Variants in TUT1 observed in about 807,000 individuals in gnomAD.
The protein encoded by TUT1 is terminal uridylyl transferase 1, U6 snRNA-specific.
A neutral mutation model predicts 48.8 loss-of-function variants in TUT1; 26 were observed. The ratio of observed to expected loss-of-function variants is 0.53; its 90% CI spans 0.39 to 0.74. The LOEUF (loss-of-function observed/expected upper bound fraction) is 0.74. Ranked by LOEUF, TUT1 falls within the 30% of genes least tolerant of loss-of-function variation. The probability of loss-of-function intolerance (pLI) is 0.00; values close to 1 mark genes in which losing one functional copy is unlikely to be tolerated. For synonymous variants in TUT1, 470 were observed against 460.8 expected (o/e 1.02, Z -0.26); for missense variants, 1,065 against 1,114.8 (o/e 0.96, Z 0.64).
chr11:62,589,079 G>A lies in TUT1; in HGVS notation c.225C>T (p.Tyr75=). ...TGGCCACAGGTCCAAATGCTAGGAAGTACTCAGAGAGCTGAGCAGAATCCA... is the reference window on the plus strand; with the variant it reads ...TGGCCACAGGTCCAAATGCTAGGAAATACTCAGAGAGCTGAGCAGAATCCA... ...RDVDSAQLSE[Y]FLAFGPVASV... Residue 75 remains tyrosine (Y), a synonymous_variant, in exon 2 of 9, where the codon TAC becomes TAT. Transcript: ENST00000476907. 1.9e-6 allele frequency: 3 copies of A among 1,614,140 alleles called. No homozygotes were observed. The highest frequency in any genetic ancestry group is 1.7e-6 in the Non-Finnish European group (2 of 1,179,996).
At chr11:62,588,092 T>G (rs1388818117) in intron 2 of TUT1, among the ~76,000 whole-genome samples, 1 of 152,216 alleles carries the variant, frequency 6.6e-6, no homozygotes, top group Non-Finnish European at 1.5e-5. Context: ...ATAGGCTCTG[T>G]GAGAGCAGGG....
rs144668445 is a variant in TUT1, at chr11:62,575,579, G to C, written c.2140C>G (p.Leu714Val). ...CCATGCTTTCCAGTGGTCAGGGGCA[G>C]GTCCCCTGGCTGCCCAGGGCTCTGC... Reference protein sequence around the residue: ...AMQSPGQPGDLPLTTGKHGAP... With the variant: ...AMQSPGQPGDVPLTTGKHGAP... The change falls in exon 9 of 9, where the codon CTG becomes GTG. Residue 714 changes from leucine to valine, a missense_variant. Physicochemically the swap from Leu to Val is conservative, Grantham distance 32 (BLOSUM62 1). Coordinates refer to ENST00000476907, the MANE Select transcript of TUT1 (RefSeq NM_022830.3). 2.5e-5 allele frequency: 40 copies of C among 1,614,138 alleles called. No homozygotes were observed. The African/African-American group carries it at 5.1e-4, about 20-fold the overall frequency.
At position 62,577,241 on chromosome 11, in the gene TUT1, C is replaced by T; in HGVS notation, c.1211G>A (p.Gly404Asp). 2 of 1,611,570 alleles carry T rather than the reference C, an allele frequency of 1.2e-6. No homozygotes were observed. Residue 404 changes from glycine to aspartate, a missense_variant, in exon 6 of 9, where the codon GGT becomes GAT. Physicochemically the swap from Gly to Asp is moderately conservative, Grantham distance 94 (BLOSUM62 -1). Transcript: ENST00000476907. ...GGTGTACACGAGGGGCCGGACTCGA[C>T]CATCCAGCTCAGAGCAGAGACTCAG... ...RFLSLCSELD[G>D]RVRPLVYTLR...
intron 2 of TUT1, among the ~76,000 whole-genome samples, chr11:62,585,849 C>CT (rs1370323456): frequency 6.6e-6 from 1 of 151,694 alleles, no homozygotes; most frequent in African/African-American, 2.4e-5. Flanking sequence ...TAATCCCAGC[C>CT]TGTAATCCCA....
intron 2 of TUT1, among the ~76,000 whole-genome samples, chr11:62,587,111 A>AT (rs10700510): frequency 3.3e-5 from 5 of 149,530 alleles, no homozygotes; most frequent in Admixed American, 6.6e-5. Context: ...AAAAAAAAAA[A>AT]GGAAAAAGAA....
At position 62,578,695 on chromosome 11, in the gene TUT1, C is replaced by T; in HGVS notation, c.1026G>A (p.Glu342=). The T allele has an allele frequency of 1.2e-6, 2 of 1,614,246 alleles. No individual in the cohort carries two copies. The highest frequency in any genetic ancestry group is 2.2e-5 in the South Asian group (2 of 91,090). Residue 342 remains glutamate, a synonymous_variant, in exon 5 of 9, where the codon GAG becomes GAA. Transcript: ENST00000476907. ...EEKAEGAAML[E]LVGSILRGCV... ...AGCCCCGGAGAATGGATCCCACCAG[C>T]TCCAGCATTGCTGCCCCCTCTGCTT...
intron 4 of TUT1, 140 bp from the exon 5 acceptor site, chr11:62,579,170 C>CTT (rs377622848): frequency 3.8e-5 from 16 of 424,882 alleles, no homozygotes; most frequent in East Asian, 1.9e-4. Flanking sequence ...CACAGGAACC[C>CTT]TTTTTTTTTT....
intron 4 of TUT1, 53 bp downstream of exon 4, chr11:62,581,053 C>T: frequency 7.0e-7 from 1 of 1,431,050 alleles, no homozygotes; most frequent in South Asian, 1.2e-5. Context: ...CCCACAGTCA[C>T]ATGGCCATTC....
At position 62,589,085 on chromosome 11, in the gene TUT1, A is replaced by C. The variant is rs148971223; in HGVS notation, c.219T>G (p.Ser73=). The change falls in exon 2 of 9, where the codon TCT becomes TCG. Residue 73 remains serine (S), a synonymous_variant. Coordinates refer to ENST00000476907, the MANE Select transcript of TUT1 (RefSeq NM_022830.3). ...FPRDVDSAQL[S]EYFLAFGPVA... ...CAGGTCCAAATGCTAGGAAGTACTC[A>C]GAGAGCTGAGCAGAATCCACATCCC... 7.7e-5 allele frequency: 125 copies of C among 1,614,216 alleles called. No individual in the cohort carries two copies. In the African/African-American group the frequency reaches 1.6e-3, roughly 20 times the overall value.
intron 1 of TUT1, 122 bp from the exon 2 acceptor site, chr11:62,589,343 A>G: frequency 1.2e-6 from 1 of 855,492 alleles, no homozygotes; most frequent in Non-Finnish European, 1.8e-6. Flanking sequence ...CTTTGAATAA[A>G]CAAAGTCCTG....
intron 4 of TUT1, among the ~76,000 whole-genome samples, chr11:62,580,434 T>C (rs1941806162): frequency 6.6e-6 from 1 of 151,752 alleles, no homozygotes; most frequent in South Asian, 2.1e-4. Context: ...TACTCCATTT[T>C]GGGTGACAGA....
chr11:62,582,931 A>G (rs1941855339), intron 2 of TUT1, among the ~76,000 whole-genome samples: 1 of 152,086 alleles, frequency 6.6e-6, no homozygotes, highest in Non-Finnish European at 1.5e-5. Flanking sequence ...GATAGAGACC[A>G]TCCTGGCTAA....
intron 2 of TUT1, among the ~76,000 whole-genome samples, chr11:62,584,316 T>G (rs1338872671): frequency 2.0e-5 from 3 of 152,040 alleles, no homozygotes; most frequent in Admixed American, 6.5e-5. Flanking sequence ...TTAATAGAGA[T>G]GTGGTTTCAC....
intron 2 of TUT1, among the ~76,000 whole-genome samples, chr11:62,588,717 C>T (rs904290412): frequency 3.3e-5 from 5 of 152,070 alleles, no homozygotes; most frequent in African/African-American, 7.2e-5. Context: ...TTTCTTAAGA[C>T]GGAGTCTTGC....
chr11:62,579,663 A>AT (rs35468652), intron 4 of TUT1, among the ~76,000 whole-genome samples: 6,915 of 128,230 alleles, frequency 0.054, 224 homozygotes, highest in Non-Finnish European at 0.063. Flanking sequence ...AATAAAGTCC[A>AT]TTTTTTTTTT....
chr11:62,581,155 C>T lies in TUT1; in HGVS notation c.641G>A (p.Gly214Asp). Residue 214 changes from glycine (G) to aspartate (D), a missense_variant, in exon 4 of 9, where the codon GGC (glycine) becomes GAC (aspartate). Gly to Asp is a moderately conservative substitution (Grantham distance 94). Transcript: ENST00000476907. ...ATCCAAGAAGAGGTCAAGATCACAG[C>T]CATGGACATCGAAGCTATTTATGGA... ...GSSINSFDVH[G>D]CDLDLFLDLG... The T allele has an allele frequency of 6.2e-7, 1 of 1,614,124 alleles. No individual in the cohort carries two copies.
intron 2 of TUT1, among the ~76,000 whole-genome samples, chr11:62,585,352 T>C (rs1941894542): frequency 6.6e-6 from 1 of 152,174 alleles, no homozygotes; most frequent in African/African-American, 2.4e-5. Context: ...GGTAGCTACT[T>C]GGACCTGCCC....
rs764318992 is a variant in TUT1 at position 62,591,503 on chromosome 11, G to A, written c.-18C>T. ...GCCGCCATAGCGACTCTCCTGTACC[G>A]ACAAAAACACAAGCACCTCTGCCAC... On this transcript the variant is annotated 5_prime_UTR_variant, in exon 1 of 9. Transcript: ENST00000476907. 9 of 1,613,750 alleles carry A rather than the reference G, an allele frequency of 5.6e-6. No individual in the cohort carries two copies. The highest frequency in any genetic ancestry group is 4.0e-5 in the African/African-American group (3 of 74,908).
chr11:62,578,878 A>C lies in TUT1; in HGVS notation c.843T>G (p.Pro281=), dbSNP rs762524594. 5 of 1,609,690 alleles carry C rather than the reference A, an allele frequency of 3.1e-6. 1 individual carries two copies. In the Admixed American group the frequency reaches 8.4e-5, roughly 27 times the overall value. ...QDSEALDFET[P]SSSLAPQTPD... is the part of the protein sequence containing the mutation. ...GAGTTTGGGGCGCCAGGGAGGAGGA[A>C]GGGGTTTCAAAGTCCAGGGCTTCAG... Residue 281 remains proline, a synonymous_variant, in exon 5 of 9, where the codon CCT becomes CCG. Coordinates refer to ENST00000476907, the MANE Select transcript of TUT1 (RefSeq NM_022830.3).
Sources: gnomAD v4.1 joint callset for allele counts (sites outside exome capture counted in the v4.1 genomes callset) on GRCh38, gnomAD v4.1.1 for gene constraint, MANE v1.5 for transcripts, NCBI Gene and HGNC (gene_info 2026-07-23, HGNC 2026-07-21) for gene names.